Variants in RHOF observed in about 807,000 individuals in gnomAD.
The protein encoded by RHOF is rho-related GTP-binding protein RhoF.
A neutral mutation model predicts 22.2 loss-of-function variants in RHOF; 21 were observed. The ratio of observed to expected loss-of-function variants is 0.95; its 90% CI spans 0.67 to 1.36. RHOF has a LOEUF of 1.36. RHOF is among the 40% of genes most tolerant of loss of function. RHOF has a pLI of 0.00. For missense variants in RHOF, 285 were observed against 293.7 expected, an observed-to-expected ratio of 0.97 and a Z score of 0.22; for synonymous variants, 135 against 131.2, an observed-to-expected ratio of 1.03 and a Z score of -0.20.
In RHOF at chr12:121,778,724, G is replaced by A. The variant is rs527618750; in HGVS notation, c.*774C>T. 1 of 152,338 alleles carries A rather than the reference G, an allele frequency of 6.6e-6. No homozygotes were observed. The highest frequency in any genetic ancestry group is 2.4e-5 in the African/African-American group (1 of 41,558). 9.4% of individuals were successfully genotyped at this position (152,338 alleles called of 1,614,324 possible). On this transcript the variant is annotated 3_prime_UTR_variant, in exon 5 of 5. Coordinates refer to ENST00000267205, the MANE Select transcript of RHOF (RefSeq NM_019034.3). ...TGGGCCAGTCCTGTCCTACCACAGT[G>A]GGGGGAACAGTCCACAGAAAACTTG...
chr12:121,789,532 C>T (rs978249685), intron 2 of RHOF, among the ~76,000 whole-genome samples: 1 of 152,152 alleles, frequency 6.6e-6, no homozygotes, highest in Non-Finnish European at 1.5e-5. Context: ...CGGGTGGACC[C>T]CAGCTCCAGC....
chr12:121,788,898 A>C (rs908672560), intron 2 of RHOF, among the ~76,000 whole-genome samples: 1 of 152,150 alleles, frequency 6.6e-6, no homozygotes, highest in African/African-American at 2.4e-5. Context: ...GTGGGTGGTC[A>C]GAACCCCAGA....
Position 121,779,620 on chromosome 12 carries a change from CCAGGTAGAGAG to C in RHOF, c.503_513del (p.Ala168GlyfsTer52). Reference sequence around the variant, plus strand: ...TTCTCCCGAAACTTGGCGGAACATTCCAGGTAGAGAGCAGCTCGGATCTGTTCGCAGGCGCT... The same window carrying C: ...TTCTCCCGAAACTTGGCGGAACATTCCAGCTCGGATCTGTTCGCAGGCGCT... On this transcript the variant is annotated frameshift_variant, in exon 5 of 5. Coordinates refer to ENST00000267205, the MANE Select transcript of RHOF (RefSeq NM_019034.3). LOFTEE classifies it high-confidence loss of function. 2.5e-6 allele frequency: 4 copies of C among 1,614,202 alleles called. 1 individual carries two copies. The highest frequency in any genetic ancestry group is 2.2e-5 in the South Asian group (2 of 91,088).
chr12:121,779,825 G>GT lies in RHOF; in HGVS notation c.472-164_472-163insA, dbSNP rs551200882. ...GGCTGCCCCTCACAGTGTGTGGGTG[G>GT]AATGGAGGGCCAGGGCAGTGCAGCC... On this transcript the variant is annotated intron_variant, in intron 4 of 4. Coordinates refer to ENST00000267205, the MANE Select transcript of RHOF (RefSeq NM_019034.3). 575 of 723,874 alleles carry GT rather than the reference G, an allele frequency of 7.9e-4. 4 individuals carry two copies. The African/African-American group carries it at 9.0e-3, about 11-fold the overall frequency. The allele number at this position is 723,874 out of a possible 1,614,324, so 44.8% of individuals were successfully genotyped here.
At chr12:121,786,193 TA>T (rs1486478915) in intron 2 of RHOF, among the ~76,000 whole-genome samples, 1 of 152,118 alleles carries the variant, frequency 6.6e-6, no homozygotes, top group African/African-American at 2.4e-5. Context: ...GTGCTGGGAT[TA>T]CAGGTGTGAG....
intron 2 of RHOF, among the ~76,000 whole-genome samples, chr12:121,786,263 C>T (rs1874608269): frequency 6.6e-6 from 1 of 151,686 alleles, no homozygotes; most frequent in South Asian, 2.1e-4. Flanking sequence ...ACCATGTTGG[C>T]CAGGCTAGTC....
chr12:121,780,654 G>C (rs943472312), intron 4 of RHOF: 4 of 596,442 alleles, frequency 6.7e-6, no homozygotes, highest in Non-Finnish European at 5.8e-6. Context: ...TAAACTGGGG[G>C]ATGTGAACAG....
chr12:121,784,807 A>G (rs1296086674), intron 2 of RHOF, among the ~76,000 whole-genome samples: 2 of 152,170 alleles, frequency 1.3e-5, no homozygotes, highest in East Asian at 1.9e-4. Context: ...AGATGTAACA[A>G]TGGGGTTCAC....
At chr12:121,783,929 A>G (rs1206421278) in intron 2 of RHOF, among the ~76,000 whole-genome samples, 1 of 151,960 alleles carries the variant, frequency 6.6e-6, no homozygotes, top group Non-Finnish European at 1.5e-5. Flanking sequence ...ATAAAATCCA[A>G]ACATCTCCCC....
At chr12:121,781,980 T>G (rs1874479144) in intron 2 of RHOF, 1 of 152,208 alleles carries the variant, frequency 6.6e-6, no homozygotes, top group Non-Finnish European at 1.5e-5. Context: ...TGGGTTTGCT[T>G]TTTTCTTCTT....
At chr12:121,788,575 A>G (rs959534950) in intron 2 of RHOF, among the ~76,000 whole-genome samples, 1 of 152,146 alleles carries the variant, frequency 6.6e-6, no homozygotes, top group African/African-American at 2.4e-5. Context: ...ACCTTCTCTC[A>G]TATGAGTCAG....
In RHOF at chr12:121,778,124, T is replaced by C. The variant is rs181045560; in HGVS notation, c.*1374A>G. 1 of 152,258 alleles carries C rather than the reference T, an allele frequency of 6.6e-6. No homozygotes were observed. Among genetic ancestry groups the C allele is most frequent in the East Asian group, 1.9e-4 (1 of 5,156 alleles). The allele number at this position is 152,258 out of a possible 1,614,324, so 9.4% of individuals were successfully genotyped here. A position where few individuals can be genotyped will look rare whatever the true frequency, so the allele number is the denominator to read the frequency against. On this transcript the variant is annotated 3_prime_UTR_variant, in exon 5 of 5. Coordinates refer to ENST00000267205, the MANE Select transcript of RHOF (RefSeq NM_019034.3). ...CTCCAGAGCCAAGCAGCTTGCGACT[T>C]CTGGTAGGCACCGGAATCCCCTGGG...
chr12:121,793,558 C>T lies in RHOF; in HGVS notation c.76G>A (p.Gly26Ser). 1 of 1,550,762 alleles carries T rather than the reference C, an allele frequency of 6.4e-7. No homozygotes were observed. The highest frequency in any genetic ancestry group is 8.7e-7 in the Non-Finnish European group (1 of 1,150,992). ...GRKELKIVIV[G>S]DGGCGKTSLL... ...GAGGTCTTGCCGCAGCCGCCGTCGCCCACGATCACGATCTTCAGCTCCTTC... is the reference window on the plus strand; with the variant it reads ...GAGGTCTTGCCGCAGCCGCCGTCGCTCACGATCACGATCTTCAGCTCCTTC... The change falls in exon 1 of 5, where the codon GGC becomes AGC. Residue 26 changes from glycine (G) to serine (S), a missense_variant. Physicochemically the swap from Gly to Ser is moderately conservative, Grantham distance 56. Transcript: ENST00000267205.
At chr12:121,782,158 A>T (rs1176732638) in intron 2 of RHOF, 2 of 152,104 alleles carry the variant, frequency 1.3e-5, no homozygotes, top group Non-Finnish European at 2.9e-5. Flanking sequence ...CTGTCAGGGC[A>T]CGGTAACTGT....
Position 121,780,881 on chromosome 12 carries a change from G to C in RHOF, c.462C>G (p.Thr154=). Residue 154 remains threonine (T), a synonymous_variant, in exon 4 of 5, where the codon ACC becomes ACG. Transcript: ENST00000267205. The part of the protein sequence containing the change: ...KLRAAQLEPI[T]YMQGLSACEQ... ...CTTGGCCCCGGCCCACCTGCATGTA[G>C]GTGATGGGCTCCAGCTGGGCGGCCC... The C allele has an allele frequency of 6.2e-7, 1 of 1,613,426 alleles. No homozygotes were observed. Among genetic ancestry groups the C allele is most frequent in the Non-Finnish European group, 8.5e-7 (1 of 1,179,840 alleles).
chr12:121,781,486 A>C, intron 2 of RHOF: 1 of 346,880 alleles, frequency 2.9e-6, no homozygotes. Context: ...AACAAAACCC[A>C]TGAGCGGCAG....
chr12:121,780,027 A>C (rs557506590), intron 4 of RHOF: 2 of 211,086 alleles, frequency 9.5e-6, no homozygotes, highest in South Asian at 2.7e-4. Flanking sequence ...CCCTTCTCTG[A>C]AAGTACCATT....
chr12:121,789,091 G>C (rs974523232), intron 2 of RHOF, among the ~76,000 whole-genome samples: 2 of 152,156 alleles, frequency 1.3e-5, no homozygotes, highest in Non-Finnish European at 2.9e-5. Context: ...TAGACCAGGC[G>C]TGGTGGCTCA....
intron 4 of RHOF, 76 bp downstream of exon 4, chr12:121,780,796 A>C (rs1874421045): frequency 1.3e-6 from 2 of 1,505,180 alleles, no homozygotes; most frequent in East Asian, 4.5e-5. Flanking sequence ...CCACTAAGGC[A>C]CCCCAGTTGC....
Sources: allele counts gnomAD v4.1 joint callset (sites outside exome capture counted in the v4.1 genomes callset), GRCh38; gene constraint gnomAD v4.1.1; transcripts MANE v1.5; gene names NCBI Gene and HGNC (gene_info 2026-07-23, HGNC 2026-07-21).